Variants in RIMBP2 observed in about 807,000 individuals in gnomAD.
RIMBP2 encodes the protein RIMS-binding protein 2.
RIMBP2 carries 48 observed loss-of-function variants against 118.6 expected under a neutral mutation model. That is an observed-to-expected ratio of 0.40 (90% confidence interval 0.32 to 0.51). The LOEUF (loss-of-function observed/expected upper bound fraction) is 0.51. RIMBP2 is among the 20% of genes least tolerant of loss of function. RIMBP2 has a pLI of 0.41. For synonymous variants in RIMBP2, 762 were observed against 742.9 expected (o/e 1.03, Z -0.42); for missense variants, 1,551 against 1,768.3 (o/e 0.88, Z 2.20).
intron 4 of RIMBP2, among the ~76,000 whole-genome samples, chr12:130,495,601 C>T (rs10848117): frequency 1.3e-5 from 2 of 151,988 alleles, no homozygotes; most frequent in African/African-American, 4.8e-5. Flanking sequence ...TTCATGAAAA[C>T]AAAAATAACC....
intron 5 of RIMBP2, among the ~76,000 whole-genome samples, chr12:130,473,445 G>T (rs1471997005): frequency 6.6e-6 from 1 of 152,216 alleles, no homozygotes; most frequent in Non-Finnish European, 1.5e-5. Context: ...TGGGGGGATG[G>T]CGCTCACAGA....
In RIMBP2 at chr12:130,688,539, C is replaced by T. The variant is rs2065164845; in HGVS notation, c.-352+27683G>A. On this transcript the variant is annotated intron_variant, in intron 1 of 22. Coordinates refer to ENST00000690449, the MANE Select transcript of RIMBP2 (RefSeq NM_001393629.1). The surrounding 1 kb of genome is among the most constrained non-coding windows in gnomAD (Gnocchi z 4.7). ...AAGAGCTCCCCCAAGCATGAGTCGT[C>T]TTCACCCCTCCATCCGTTACCCCCT... Among the ~76,000 whole-genome samples, 1 of 152,092 alleles carries T rather than the reference C, an allele frequency of 6.6e-6. No homozygotes were observed. Among genetic ancestry groups the T allele is most frequent in the African/African-American group, 2.4e-5 (1 of 41,396 alleles).
chr12:130,400,326 C>T (rs780083090), intron 21 of RIMBP2, among the ~76,000 whole-genome samples: 2 of 152,174 alleles, frequency 1.3e-5, no homozygotes, highest in Admixed American at 6.5e-5. Context: ...AGGTTATTAT[C>T]GTAAACATTC....
At chr12:130,577,868 A>ATAT (rs1442618210) in intron 2 of RIMBP2, among the ~76,000 whole-genome samples, 1 of 152,202 alleles carries the variant, frequency 6.6e-6, no homozygotes, top group Non-Finnish European at 1.5e-5. Flanking sequence ...AATGGTAATT[A>ATAT]TGCGAAACAA....
In RIMBP2 at chr12:130,450,280, T is replaced by C. The variant is rs2078888936; in HGVS notation, c.505-4A>G. ...TGGAATTCCGTTCATTCTCCATCTG[T>C]GAAAAAGGCAATGGGTGTGTGGGTT... On this transcript the variant is annotated splice_region_variant and splice_polypyrimidine_tract_variant and intron_variant, in intron 8 of 22. Coordinates refer to ENST00000690449, the MANE Select transcript of RIMBP2 (RefSeq NM_001393629.1). This position sits in a 1 kb window ranked among gnomAD's most constrained non-coding sequence, Gnocchi z 4.8. 1.2e-6 allele frequency: 2 copies of C among 1,602,830 alleles called. No homozygotes were observed. The highest frequency in any genetic ancestry group is 1.7e-6 in the Non-Finnish European group (2 of 1,173,274).
chr12:130,615,884 G>GC (rs768353732), intron 2 of RIMBP2, among the ~76,000 whole-genome samples: 6 of 152,102 alleles, frequency 3.9e-5, no homozygotes, highest in African/African-American at 9.7e-5. Flanking sequence ...ACTCTTGGAA[G>GC]CCCCCCTGAG....
chr12:130,664,429 A>ACACG (rs1491556490), intron 1 of RIMBP2, among the ~76,000 whole-genome samples: 1 of 64,626 alleles, frequency 1.5e-5, no homozygotes. Flanking sequence ...ACGCACACAC[A>ACACG]TGCATGCACG....
At chr12:130,575,837 G>C (rs2058047938) in intron 2 of RIMBP2, among the ~76,000 whole-genome samples, 1 of 152,170 alleles carries the variant, frequency 6.6e-6, no homozygotes, top group South Asian at 2.1e-4. Flanking sequence ...GAAGTCATCT[G>C]GTAACTTGAA....
intron 1 of RIMBP2, among the ~76,000 whole-genome samples, chr12:130,678,287 C>T (rs1250137460): frequency 6.6e-6 from 1 of 152,198 alleles, no homozygotes; most frequent in Non-Finnish European, 1.5e-5. Flanking sequence ...AGAACAAGCC[C>T]TGGCACACGT....
intron 15 of RIMBP2, chr12:130,425,236 G>A: frequency 5.6e-6 from 1 of 177,168 alleles, no homozygotes; most frequent in Non-Finnish European, 1.2e-5. Context: ...CTGCCCGGGG[G>A]CTACATCCTC....
intron 2 of RIMBP2, among the ~76,000 whole-genome samples, chr12:130,618,103 C>G (rs1434296911): frequency 2.0e-5 from 3 of 151,160 alleles, no homozygotes; most frequent in Non-Finnish European, 4.4e-5. Context: ...AGCAATTTTG[C>G]AAATGAAGAG....
At chr12:130,660,024 T>TC (rs1318531061) in intron 1 of RIMBP2, 5 of 143,480 alleles carry the variant, frequency 3.5e-5, no homozygotes, top group African/African-American at 5.0e-5. Context: ...TCTTTTCTTT[T>TC]CCCGCACAGG....
intron 1 of RIMBP2, among the ~76,000 whole-genome samples, chr12:130,635,256 T>TA (rs2062283130): frequency 6.6e-6 from 1 of 152,196 alleles, no homozygotes; most frequent in Non-Finnish European, 1.5e-5. Context: ...CGCCTGGACC[T>TA]ACCTCTGTCC....
chr12:130,694,136 G>T (rs555852396), intron 1 of RIMBP2, among the ~76,000 whole-genome samples: 3 of 152,168 alleles, frequency 2.0e-5, no homozygotes, highest in African/African-American at 7.2e-5. Context: ...GGACCAGAAG[G>T]GGGTGGTGAA....
chr12:130,608,650 G>A (rs774539874), intron 2 of RIMBP2, among the ~76,000 whole-genome samples: 13 of 152,184 alleles, frequency 8.5e-5, no homozygotes, highest in South Asian at 2.1e-4. Context: ...GGGACAGAGC[G>A]CTGCCCAGGC....
rs2078582560 is a variant in RIMBP2 at position 130,447,041 on chromosome 12, G to A, written c.582-1772C>T. On this transcript the variant is annotated intron_variant, in intron 9 of 22. Transcript: ENST00000690449. This position sits in a 1 kb window ranked among gnomAD's most constrained non-coding sequence, Gnocchi z 4.4. ...GCAGGGGGGTCTGGATGGGTAGATG[G>A]CCGAGACACAGAAGCTGGCAGAGTG... Among the ~76,000 whole-genome samples, 1 of 151,676 alleles carries A rather than the reference G, an allele frequency of 6.6e-6. No homozygotes were observed. Among genetic ancestry groups the A allele is most frequent in the South Asian group, 2.1e-4 (1 of 4,736 alleles).
At chr12:130,680,529 G>T (rs1432822377) in intron 1 of RIMBP2, among the ~76,000 whole-genome samples, 1 of 152,182 alleles carries the variant, frequency 6.6e-6, no homozygotes, top group East Asian at 1.9e-4. Flanking sequence ...GCTTGGACAT[G>T]CAAAGGCTCT....
chr12:130,499,131 C>T (rs1343588291), intron 4 of RIMBP2, among the ~76,000 whole-genome samples: 1 of 152,170 alleles, frequency 6.6e-6, no homozygotes, highest in Non-Finnish European at 1.5e-5. Flanking sequence ...GCAGGAGGGG[C>T]TACACACTTT....
At chr12:130,593,267 C>T (rs577765147) in intron 2 of RIMBP2, among the ~76,000 whole-genome samples, 5 of 152,322 alleles carry the variant, frequency 3.3e-5, no homozygotes, top group South Asian at 2.1e-4. Context: ...GACACCTTTC[C>T]GCAACAGGGC....
Sources: gnomAD v4.1 joint callset for allele counts (sites outside exome capture counted in the v4.1 genomes callset) on GRCh38, gnomAD v4.1.1 for gene constraint, Gnocchi (gnomAD v3.1) non-coding constraint, MANE v1.5 for transcripts, NCBI Gene and HGNC (gene_info 2026-07-23, HGNC 2026-07-21) for gene names.